The following FHIT variants were observed in gnomAD, a reference collection of about 807,000 sequenced individuals.
FHIT encodes the protein bis(5'-adenosyl)-triphosphatase.
Under a neutral mutation model 17.9 loss-of-function variants are expected in FHIT, and 19 were observed. That is an observed-to-expected ratio of 1.06 (90% CI 0.74 to 1.56). The LOEUF is 1.56. FHIT is among the 40% of genes most tolerant of loss of function. The pLI is 0.00. For synonymous variants in FHIT, 81 were observed against 69.7 expected, an observed-to-expected ratio of 1.16 and a Z score of -0.81; for missense variants, 248 against 189.2, an observed-to-expected ratio of 1.31 and a Z score of -1.82.
chr3:60,677,119 T>TGCC lies in FHIT; in HGVS notation c.-17-140143_-17-140141dup, dbSNP rs577348352. On this transcript the variant is annotated intron_variant, in intron 4 of 9. Coordinates refer to ENST00000492590, the MANE Select transcript of FHIT (RefSeq NM_002012.4). ...CTCCAACTCCTGGGCTCAATTGATCTGCCCGCCTGGGCCTCCCAAAGTGTT... is the reference window on the plus strand; with the variant it reads ...CTCCAACTCCTGGGCTCAATTGATCTGCCGCCCGCCTGGGCCTCCCAAAGTGTT... Among the ~76,000 whole-genome samples the TGCC allele has an allele frequency of 1.8e-4, 28 of 152,294 alleles. No individual in the cohort carries two copies. In the South Asian group the frequency reaches 4.8e-3, roughly 26 times the overall value.
At chr3:60,782,148 T>C (rs1700412167) in intron 4 of FHIT, among the ~76,000 whole-genome samples, 1 of 152,130 alleles carries the variant, frequency 6.6e-6, no homozygotes, top group Admixed American at 6.5e-5. Flanking sequence ...CTTAGCATAA[T>C]GTCTGCTTGG....
At chr3:60,894,438 C>T (rs1323166321) in intron 3 of FHIT, among the ~76,000 whole-genome samples, 1 of 152,122 alleles carries the variant, frequency 6.6e-6, no homozygotes, top group African/African-American at 2.4e-5. Flanking sequence ...TCTGTCACCC[C>T]TTGACCCCAG....
At chr3:60,117,448 T>A (rs1164423796) in intron 5 of FHIT, among the ~76,000 whole-genome samples, 1 of 139,420 alleles carries the variant, frequency 7.2e-6, no homozygotes, top group African/African-American at 2.7e-5. Flanking sequence ...TGTACTATAA[T>A]GTCAATATTA....
chr3:61,074,060 G>C (rs1226168541), intron 2 of FHIT, among the ~76,000 whole-genome samples: 1 of 152,106 alleles, frequency 6.6e-6, no homozygotes, highest in Non-Finnish European at 1.5e-5. Flanking sequence ...CAACTTTCAG[G>C]CTCCAGTAAC....
chr3:60,731,222 T>A (rs144871231), intron 4 of FHIT, among the ~76,000 whole-genome samples: 2 of 152,150 alleles, frequency 1.3e-5, no homozygotes, highest in Non-Finnish European at 2.9e-5. Flanking sequence ...CATCAAAGAA[T>A]GTTACCAGCA....
intron 2 of FHIT, among the ~76,000 whole-genome samples, chr3:61,065,537 A>G (rs984754994): frequency 1.3e-5 from 2 of 152,190 alleles, no homozygotes; most frequent in Non-Finnish European, 2.9e-5. Flanking sequence ...TGAACACTGA[A>G]TCCAAGTTGC....
chr3:59,885,972 G>A (rs2106979289), intron 8 of FHIT, among the ~76,000 whole-genome samples: 2 of 152,284 alleles, frequency 1.3e-5, no homozygotes, highest in South Asian at 4.1e-4. Flanking sequence ...GCAATCCCTT[G>A]CAAGGATAGG....
intron 4 of FHIT, among the ~76,000 whole-genome samples, chr3:60,646,279 T>TTA (rs145534267): frequency 1.2e-3 from 175 of 151,952 alleles, no homozygotes; most frequent in Non-Finnish European, 1.5e-3. Flanking sequence ...AAAAAATTAC[T>TTA]TATATATATA....
At chr3:59,845,528 T>C (rs149430703) in intron 8 of FHIT, among the ~76,000 whole-genome samples, 212 of 152,266 alleles carry the variant, frequency 1.4e-3, no homozygotes, top group African/African-American at 4.8e-3. Context: ...TTTTCTTATT[T>C]AATCCAGTTG....
intron 8 of FHIT, among the ~76,000 whole-genome samples, chr3:59,823,935 A>G (rs1011097596): frequency 3.3e-5 from 5 of 152,202 alleles, no homozygotes; most frequent in South Asian, 2.1e-4. Context: ...ATATGATCAT[A>G]TACCTAGGAA....
At chr3:61,088,447 C>CATGTTATACAATAATAACAAA (rs2035372331) in intron 2 of FHIT, among the ~76,000 whole-genome samples, 5 of 152,240 alleles carry the variant, frequency 3.3e-5, no homozygotes, top group East Asian at 1.9e-4. Context: ...AACATGCTAC[C>CATGTTATACAATAATAACAAA]TTGTACAGCC....
At chr3:60,932,389 T>C (rs1327158521) in intron 3 of FHIT, among the ~76,000 whole-genome samples, 1 of 152,134 alleles carries the variant, frequency 6.6e-6, no homozygotes, top group Non-Finnish European at 1.5e-5. Flanking sequence ...CTGCTGGTGG[T>C]CTCTTCCTTA....
chr3:61,031,719 C>A (rs866382482), intron 3 of FHIT, among the ~76,000 whole-genome samples: 1 of 152,086 alleles, frequency 6.6e-6, no homozygotes, highest in African/African-American at 2.4e-5. Flanking sequence ...GTCACTGTAG[C>A]CTGTCTACAA....
intron 5 of FHIT, among the ~76,000 whole-genome samples, chr3:60,244,896 T>G (rs1210354021): frequency 6.6e-6 from 1 of 152,138 alleles, no homozygotes; most frequent in Non-Finnish European, 1.5e-5. Context: ...TATTACTGTC[T>G]GTCAATGCAT....
At chr3:60,394,129 C>T (rs973576332) in intron 5 of FHIT, among the ~76,000 whole-genome samples, 6 of 152,190 alleles carry the variant, frequency 3.9e-5, no homozygotes, top group Admixed American at 2.6e-4. Context: ...TAGAGTAAAA[C>T]ACTGAATGTA....
intron 4 of FHIT, among the ~76,000 whole-genome samples, chr3:60,620,862 G>C (rs1007298183): frequency 3.9e-5 from 6 of 152,078 alleles, no homozygotes; most frequent in African/African-American, 7.2e-5. Flanking sequence ...CCACACTAAT[G>C]CAAGTGTTAA....
intron 3 of FHIT, among the ~76,000 whole-genome samples, chr3:60,944,854 T>C (rs1708573288): frequency 6.6e-6 from 1 of 152,188 alleles, no homozygotes; most frequent in African/African-American, 2.4e-5. Context: ...ACTTTATTGA[T>C]GAAACATTAA....
chr3:60,950,886 T>C (rs782083188), intron 3 of FHIT, among the ~76,000 whole-genome samples: 6 of 152,128 alleles, frequency 3.9e-5, no homozygotes, highest in Non-Finnish European at 5.9e-5. Context: ...TCTCTTTTTG[T>C]ATTTATCCTT....
intron 4 of FHIT, among the ~76,000 whole-genome samples, chr3:60,629,249 G>T (rs1376938333): frequency 6.6e-6 from 1 of 152,148 alleles, no homozygotes. Flanking sequence ...TGCCCAGAGT[G>T]GAGGCTCCAT....
Sources: allele counts gnomAD v4.1 joint callset (sites outside exome capture counted in the v4.1 genomes callset), GRCh38; gene constraint gnomAD v4.1.1; transcripts MANE v1.5; gene names NCBI Gene and HGNC (gene_info 2026-07-23, HGNC 2026-07-21).